ARID3B: variants seen among roughly 807,000 people sequenced by gnomAD.
ARID3B encodes AT-rich interaction domain 3B.
Under a neutral mutation model 51.9 loss-of-function variants are expected in ARID3B, and 10 were observed. The ratio of observed to expected loss-of-function variants is 0.19; its 90% CI spans 0.12 to 0.33. The LOEUF (loss-of-function observed/expected upper bound fraction) is 0.33, where lower values mean the gene tolerates loss of function less well. ARID3B is among the 10% of genes least tolerant of loss of function. The pLI is 1.00. For synonymous variants in ARID3B, 205 were observed against 279.5 expected (o/e 0.73, Z 2.66); for missense variants, 483 against 716.3 (o/e 0.67, Z 3.72).
chr15:74,547,504 T>C (rs1175709286), intron 2 of ARID3B, among the ~76,000 whole-genome samples: 1 of 152,152 alleles, frequency 6.6e-6, no homozygotes, highest in African/African-American at 2.4e-5. Flanking sequence ...TTATTGTTAA[T>C]GTGATACAGT....
intron 4 of ARID3B, among the ~76,000 whole-genome samples, chr15:74,583,292 ATG>A (rs1190216781): frequency 6.6e-6 from 1 of 152,210 alleles, no homozygotes; most frequent in Non-Finnish European, 1.5e-5. Context: ...AATATATACT[ATG>A]TGAGTCCATT....
intron 2 of ARID3B, among the ~76,000 whole-genome samples, chr15:74,547,359 T>C (rs2061619875): frequency 6.6e-6 from 1 of 152,266 alleles, no homozygotes; most frequent in Non-Finnish European, 1.5e-5. Flanking sequence ...TTTTTTGTAT[T>C]TTTAGTAGAG....
intron 2 of ARID3B, 72 bp downstream of exon 2, chr15:74,544,560 C>G: frequency 6.6e-7 from 1 of 1,506,038 alleles, no homozygotes; most frequent in Non-Finnish European, 9.0e-7. Flanking sequence ...CTGACAGGGT[C>G]AGGGGCTGTG....
At chr15:74,542,198 C>A (rs1357401536) in intron 1 of ARID3B, among the ~76,000 whole-genome samples, 2 of 152,156 alleles carry the variant, frequency 1.3e-5, no homozygotes, top group Non-Finnish European at 2.9e-5. Context: ...AAATGAACAC[C>A]GAATTATTTG....
At chr15:74,578,900 CAAAA>C (rs1158380235) in intron 4 of ARID3B, among the ~76,000 whole-genome samples, 7 of 150,288 alleles carry the variant, frequency 4.7e-5, no homozygotes, top group East Asian at 3.9e-4. Flanking sequence ...TCTCAAAAAA[CAAAA>C]GAAAGAAGGA....
intron 1 of ARID3B, among the ~76,000 whole-genome samples, chr15:74,541,879 G>T (rs1017386475): frequency 1.3e-5 from 2 of 152,216 alleles, no homozygotes; most frequent in Admixed American, 1.3e-4. Flanking sequence ...GTGAAGGGAT[G>T]AAGAGGTTTA....
At chr15:74,558,529 A>G (rs1301497295) in intron 2 of ARID3B, among the ~76,000 whole-genome samples, 1 of 152,178 alleles carries the variant, frequency 6.6e-6, no homozygotes, top group Non-Finnish European at 1.5e-5. Context: ...TGGAATTGCT[A>G]AAACTCATTT....
intron 4 of ARID3B, among the ~76,000 whole-genome samples, chr15:74,589,448 A>G (rs2061795091): frequency 6.6e-6 from 1 of 152,154 alleles, no homozygotes; most frequent in Non-Finnish European, 1.5e-5. Context: ...TGGAGTCTGA[A>G]AGCTGCAGAG....
Position 74,578,905 on chromosome 15 carries a change from GAAA to G in ARID3B, c.697+5702_697+5704del, listed in dbSNP as rs1361599531. Among the ~76,000 whole-genome samples the G allele has an allele frequency of 3.3e-5, 5 of 151,504 alleles. No individual in the cohort carries two copies. In the East Asian group the frequency reaches 9.7e-4, roughly 29 times the overall value. On this transcript the variant is annotated intron_variant, in intron 4 of 8. Coordinates refer to ENST00000346246, the MANE Select transcript of ARID3B (RefSeq NM_006465.4). ...TGAGACCTTGTCTCAAAAAACAAAA[GAAA>G]GAAGGAAAGGGAAAGGGAAATGCAA...
chr15:74,583,632 G>A (rs1416016540), intron 4 of ARID3B, among the ~76,000 whole-genome samples: 5 of 151,876 alleles, frequency 3.3e-5, no homozygotes, highest in Admixed American at 6.6e-5. Context: ...CAGGAGAATC[G>A]CTTGAACCTG....
At chr15:74,561,669 T>C (rs1254698646) in intron 2 of ARID3B, among the ~76,000 whole-genome samples, 1 of 152,192 alleles carries the variant, frequency 6.6e-6, no homozygotes, top group African/African-American at 2.4e-5. Flanking sequence ...GGGATAATAA[T>C]AGTACCCACT....
chr15:74,596,804 T>C lies in ARID3B; in HGVS notation c.*1030T>C, dbSNP rs1186256221. The C allele has an allele frequency of 4.3e-6, 1 of 233,492 alleles. No homozygotes were observed. The highest frequency in any genetic ancestry group is 5.6e-5 in the Admixed American group (1 of 17,784). The allele number at this position is 233,492 out of a possible 1,614,324, so 14.5% of individuals were successfully genotyped here. The stretch of plus-strand genomic sequence containing the variant: ...TGTTTTGCTGACTTTTGTTTTTTTT[T>C]TATTTTAAAATTTTTATCGTAGCAC... On this transcript the variant is annotated 3_prime_UTR_variant, in exon 9 of 9. Coordinates refer to ENST00000346246, the MANE Select transcript of ARID3B (RefSeq NM_006465.4).
At chr15:74,568,038 T>G (rs2141461959) in intron 2 of ARID3B, among the ~76,000 whole-genome samples, 1 of 152,330 alleles carries the variant, frequency 6.6e-6, no homozygotes, top group Non-Finnish European at 1.5e-5. Flanking sequence ...TCCTCTCCCC[T>G]GATCCTCTGT....
intron 2 of ARID3B, among the ~76,000 whole-genome samples, chr15:74,545,476 G>T (rs893090700): frequency 6.6e-6 from 1 of 152,170 alleles, no homozygotes; most frequent in Non-Finnish European, 1.5e-5. Flanking sequence ...GGAGGGTGGA[G>T]CCTAGGGAAT....
At chr15:74,580,965 G>A (rs2061759956) in intron 4 of ARID3B, among the ~76,000 whole-genome samples, 1 of 152,220 alleles carries the variant, frequency 6.6e-6, no homozygotes, top group African/African-American at 2.4e-5. Context: ...ATAGGGAAGG[G>A]CAGATGTGAC....
chr15:74,578,129 T>G (rs1370417015), intron 4 of ARID3B, among the ~76,000 whole-genome samples: 1 of 151,830 alleles, frequency 6.6e-6, no homozygotes, highest in African/African-American at 2.4e-5. Context: ...AGTACTGGAA[T>G]TACAGACATG....
At chr15:74,541,968 G>C (rs749881341) in intron 1 of ARID3B, among the ~76,000 whole-genome samples, 1 of 152,156 alleles carries the variant, frequency 6.6e-6, no homozygotes, top group African/African-American at 2.4e-5. Flanking sequence ...GCGGGAAAAT[G>C]GGCTCTTTGG....
intron 4 of ARID3B, among the ~76,000 whole-genome samples, chr15:74,583,953 A>G (rs890376268): frequency 7.2e-5 from 11 of 152,196 alleles, no homozygotes; most frequent in African/African-American, 2.7e-4. Flanking sequence ...TACAAGCTGC[A>G]CGGCAGACTA....
intron 4 of ARID3B, among the ~76,000 whole-genome samples, chr15:74,578,147 G>A (rs1447768810): frequency 1.3e-5 from 2 of 149,824 alleles, no homozygotes; most frequent in East Asian, 2.0e-4. Flanking sequence ...ATGAGCCACC[G>A]CACCTGGCCT....
Sources: allele counts gnomAD v4.1 joint callset (sites outside exome capture counted in the v4.1 genomes callset), GRCh38; gene constraint gnomAD v4.1.1; transcripts MANE v1.5; gene names NCBI Gene and HGNC (gene_info 2026-07-23, HGNC 2026-07-21).